Variants in OSBPL10 observed in about 807,000 individuals in gnomAD.
OSBPL10 encodes oxysterol-binding protein-related protein 10.
In OSBPL10, 49 loss-of-function variants were observed where a neutral mutation model predicts 81.7. The observed-to-expected ratio is 0.60, with a 90% CI of 0.48 to 0.76. The LOEUF is 0.76. Among genes scored for constraint, OSBPL10 ranks in the 30% least tolerant of loss-of-function variants. The pLI, the probability that OSBPL10 is intolerant of heterozygous loss-of-function variation, is 0.00. For synonymous variants in OSBPL10, 419 were observed against 383.6 expected, an observed-to-expected ratio of 1.09 and a Z score of -1.08; for missense variants, 923 against 987.8, an observed-to-expected ratio of 0.93 and a Z score of 0.88.
intron 5 of OSBPL10, among the ~76,000 whole-genome samples, chr3:31,742,195 T>C (rs1697373021): frequency 6.6e-6 from 1 of 151,864 alleles, no homozygotes; most frequent in African/African-American, 2.4e-5. Flanking sequence ...AGTCCCTGAG[T>C]GGTAGAAAAG....
intron 4 of OSBPL10, among the ~76,000 whole-genome samples, chr3:31,769,370 G>A (rs1164314416): frequency 2.7e-5 from 4 of 146,222 alleles, no homozygotes; most frequent in African/African-American, 7.6e-5. Flanking sequence ...GTTTGAACCC[G>A]GGAGACAGAG....
In OSBPL10 at chr3:31,668,529, G is replaced by A. The variant is rs1489475099; in HGVS notation, c.2096+113C>T. On this transcript the variant is annotated intron_variant, in intron 10 of 11. Coordinates refer to ENST00000396556, the MANE Select transcript of OSBPL10 (RefSeq NM_017784.5). ...ATATCTAAAGAAGCCAGTAGAACAT[G>A]ATTCCTGGCCTGTTTCCAGTCGCTA... 10 of 977,100 alleles carry A rather than the reference G, an allele frequency of 1.0e-5. No homozygotes were observed. In the South Asian group the frequency reaches 2.6e-4, roughly 25 times the overall value. 60.5% of individuals were successfully genotyped at this position (977,100 alleles called of 1,614,324 possible). A position where few individuals can be genotyped will look rare whatever the true frequency, so the allele number is the denominator to read the frequency against.
intron 1 of OSBPL10, among the ~76,000 whole-genome samples, chr3:31,943,933 A>C (rs1266259290): frequency 1.5e-5 from 2 of 135,758 alleles, no homozygotes; most frequent in Non-Finnish European, 3.0e-5. Flanking sequence ...GCACCACAGC[A>C]CTCCATCCTG....
intron 3 of OSBPL10, among the ~76,000 whole-genome samples, chr3:31,842,508 T>C (rs1370077483): frequency 6.6e-6 from 1 of 152,206 alleles, no homozygotes; most frequent in Non-Finnish European, 1.5e-5. Context: ...AAAAGAAAAG[T>C]TGTTGGGCTT....
At chr3:31,888,499 G>C (rs1695802918) in intron 1 of OSBPL10, among the ~76,000 whole-genome samples, 1 of 152,196 alleles carries the variant, frequency 6.6e-6, no homozygotes, top group African/African-American at 2.4e-5. Context: ...AAAAGCTTCT[G>C]TGCAACAAAG....
intron 7 of OSBPL10, among the ~76,000 whole-genome samples, chr3:31,688,307 A>T (rs1274051123): frequency 6.6e-6 from 1 of 150,900 alleles, no homozygotes; most frequent in Admixed American, 6.6e-5. Context: ...ACACACACAC[A>T]CACACACACA....
intron 1 of OSBPL10, among the ~76,000 whole-genome samples, chr3:31,923,912 C>T (rs1042172865): frequency 6.6e-6 from 1 of 152,014 alleles, no homozygotes; most frequent in African/African-American, 2.4e-5. Flanking sequence ...TCTGAAAATG[C>T]TTGAAATTGG....
rs569043853 is a variant in OSBPL10, at chr3:31,674,375, G to A, written c.1727-3392C>T. ...TTGAGACCAGCCTGGGCAACATGAC[G>A]AAGCCTCATTTCTATAAAAAAATTT... is the stretch of plus-strand genomic sequence containing the variant. On this transcript the variant is annotated intron_variant, in intron 8 of 11. Coordinates refer to ENST00000396556, the MANE Select transcript of OSBPL10 (RefSeq NM_017784.5). 1.6e-4 allele frequency among the ~76,000 whole-genome samples: 25 copies of A among 152,008 alleles called. No individual in the cohort carries two copies. In the East Asian group the frequency reaches 1.9e-3, roughly 12 times the overall value.
chr3:31,722,679 C>T (rs967089698), intron 6 of OSBPL10, among the ~76,000 whole-genome samples: 5 of 151,814 alleles, frequency 3.3e-5, no homozygotes, highest in African/African-American at 1.2e-4. Flanking sequence ...TATTTAAAGT[C>T]AGAATTACAA....
intron 2 of OSBPL10, among the ~76,000 whole-genome samples, chr3:32,002,783 GCC>G (rs1553648249): frequency 7.9e-5 from 12 of 152,144 alleles, no homozygotes; most frequent in South Asian, 2.1e-4. Flanking sequence ...ACTACAGTGT[GCC>G]CCTTGGGAGA....
intron 5 of OSBPL10, among the ~76,000 whole-genome samples, chr3:31,741,981 G>A (rs1697367366): frequency 6.6e-6 from 1 of 152,216 alleles, no homozygotes; most frequent in East Asian, 1.9e-4. Flanking sequence ...CAGCCATGTG[G>A]AACTGTAAGT....
At chr3:31,727,469 GT>G (rs1224290628) in intron 6 of OSBPL10, among the ~76,000 whole-genome samples, 1 of 152,068 alleles carries the variant, frequency 6.6e-6, no homozygotes, top group Non-Finnish European at 1.5e-5. Flanking sequence ...GAGGAATGGA[GT>G]GGGGAAGGAT....
chr3:31,961,582 G>A (rs1248178090), intron 1 of OSBPL10, among the ~76,000 whole-genome samples: 1 of 151,892 alleles, frequency 6.6e-6, no homozygotes, highest in African/African-American at 2.4e-5. Flanking sequence ...AATTATTGGT[G>A]TCTTTTGACA....
chr3:31,944,775 GA>G (rs1190236336), intron 1 of OSBPL10, among the ~76,000 whole-genome samples: 1 of 139,926 alleles, frequency 7.1e-6, no homozygotes, highest in Non-Finnish European at 1.5e-5. Flanking sequence ...AGGTTGCAGT[GA>G]GCTATGATTG....
intron 3 of OSBPL10, among the ~76,000 whole-genome samples, chr3:31,847,667 T>C (rs1700666807): frequency 6.6e-6 from 1 of 151,220 alleles, no homozygotes; most frequent in Non-Finnish European, 1.5e-5. Flanking sequence ...AGAATACATT[T>C]TGAGTCAACA....
chr3:31,725,024 C>A (rs1696762650), intron 6 of OSBPL10, among the ~76,000 whole-genome samples: 1 of 152,166 alleles, frequency 6.6e-6, no homozygotes, highest in South Asian at 2.1e-4. Context: ...GGGTACTAAC[C>A]TTGGAAACGT....
rs200700245 is a variant in OSBPL10 at position 31,747,898 on chromosome 3, C to T, written c.940+12G>A. The T allele has an allele frequency of 7.8e-5, 126 of 1,612,472 alleles. No homozygotes were observed. Among genetic ancestry groups the T allele is most frequent in the Admixed American group, 1.0e-4 (6 of 59,996 alleles). ...CTCATCCCAAACATGGACAAGCCCCCGGGGGTCTTACCCGAGGCTCCTGGC... is the reference window on the plus strand; with the variant it reads ...CTCATCCCAAACATGGACAAGCCCCTGGGGGTCTTACCCGAGGCTCCTGGC... On this transcript the variant is annotated intron_variant, in intron 5 of 11. Transcript: ENST00000396556.
chr3:31,805,021 A>T (rs1386591975), intron 4 of OSBPL10, among the ~76,000 whole-genome samples: 1 of 152,150 alleles, frequency 6.6e-6, no homozygotes, highest in Non-Finnish European at 1.5e-5. Flanking sequence ...TCATTGACAA[A>T]ATTCGTAATT....
At chr3:31,914,147 C>T (rs1696676858) in intron 1 of OSBPL10, among the ~76,000 whole-genome samples, 1 of 152,132 alleles carries the variant, frequency 6.6e-6, no homozygotes, top group South Asian at 2.1e-4. Context: ...TCTCGAACTC[C>T]TGACCTCAAG....
Sources: gnomAD v4.1 joint callset for allele counts (sites outside exome capture counted in the v4.1 genomes callset) on GRCh38, gnomAD v4.1.1 for gene constraint, MANE v1.5 for transcripts, NCBI Gene and HGNC (gene_info 2026-07-23, HGNC 2026-07-21) for gene names.